Variants in DIAPH3 observed in about 807,000 individuals in gnomAD.
DIAPH3 encodes the protein diaphanous related formin 3.
A neutral mutation model predicts 144.3 loss-of-function variants in DIAPH3; 117 were observed. The ratio of observed to expected loss-of-function variants is 0.81; its 90% CI spans 0.70 to 0.95. The LOEUF is 0.95. Ranked by LOEUF, DIAPH3 falls within the 40% of genes least tolerant of loss-of-function variation. The pLI is 0.00. For missense variants in DIAPH3, 1,421 were observed against 1,412.7 expected (o/e 1.01, Z -0.09); for synonymous variants, 519 against 488.9 (o/e 1.06, Z -0.81).
At chr13:59,781,147 G>T (rs1341391973) in intron 25 of DIAPH3, among the ~76,000 whole-genome samples, 2 of 152,124 alleles carry the variant, frequency 1.3e-5, no homozygotes, top group Non-Finnish European at 2.9e-5. Flanking sequence ...GATCCTAAAA[G>T]GTTCTAGAAT....
chr13:59,875,523 T>G (rs1445433976), intron 21 of DIAPH3, among the ~76,000 whole-genome samples: 1 of 150,074 alleles, frequency 6.7e-6, no homozygotes, highest in Admixed American at 6.8e-5. Flanking sequence ...AAAGAGAGAT[T>G]GTTCTAAAAA....
chr13:59,752,073 G>A (rs375155720), intron 27 of DIAPH3, among the ~76,000 whole-genome samples: 2 of 152,190 alleles, frequency 1.3e-5, no homozygotes, highest in East Asian at 3.8e-4. Flanking sequence ...CCAGAGTACA[G>A]TCTCTTTCCC....
intron 1 of DIAPH3, among the ~76,000 whole-genome samples, chr13:60,141,217 C>T (rs2059419390): frequency 6.6e-6 from 1 of 151,854 alleles, no homozygotes; most frequent in African/African-American, 2.4e-5. Context: ...GGGTAAATAC[C>T]ACTTACTAGA....
At position 59,846,042 on chromosome 13, in the gene DIAPH3, C is replaced by T. The variant is rs1001924632; in HGVS notation, c.2738-6594G>A. Reference sequence around the variant, plus strand: ...ATTAAAATCAAAGACACAGGCTTTCCTCCAAGTGTCTTATTATTATGATAA... The same window carrying T: ...ATTAAAATCAAAGACACAGGCTTTCTTCCAAGTGTCTTATTATTATGATAA... On this transcript the variant is annotated intron_variant, in intron 22 of 27. Coordinates refer to ENST00000400324, the MANE Select transcript of DIAPH3 (RefSeq NM_001042517.2). Among the ~76,000 whole-genome samples the T allele has an allele frequency of 2.6e-5, 4 of 152,190 alleles. No individual in the cohort carries two copies. The East Asian group carries it at 5.8e-4, about 22-fold the overall frequency.
chr13:59,869,516 A>G (rs1332485103), intron 21 of DIAPH3, among the ~76,000 whole-genome samples: 9 of 152,220 alleles, frequency 5.9e-5, no homozygotes, highest in African/African-American at 1.7e-4. Context: ...AGGAGCAACT[A>G]CATTAGGTGG....
chr13:59,865,739 T>C (rs2043878203), intron 21 of DIAPH3, among the ~76,000 whole-genome samples: 1 of 152,006 alleles, frequency 6.6e-6, no homozygotes, highest in Non-Finnish European at 1.5e-5. Context: ...TCCCTTGCAG[T>C]TACAGTGCAA....
chr13:59,907,629 C>A (rs1447358520), intron 20 of DIAPH3, among the ~76,000 whole-genome samples: 3 of 152,184 alleles, frequency 2.0e-5, no homozygotes, highest in Non-Finnish European at 4.4e-5. Context: ...TACTTTACCC[C>A]ACTCATGGAT....
intron 22 of DIAPH3, chr13:59,861,109 C>T: frequency 1.2e-6 from 1 of 828,362 alleles, no homozygotes; most frequent in Non-Finnish European, 1.8e-6. Flanking sequence ...ATCACCCTGG[C>T]CAAAAAGTGC....
At chr13:60,042,137 A>G (rs1474858894) in intron 5 of DIAPH3, among the ~76,000 whole-genome samples, 1 of 152,132 alleles carries the variant, frequency 6.6e-6, no homozygotes, top group Non-Finnish European at 1.5e-5. Context: ...ACTTATGGAA[A>G]CACCTATGGT....
chr13:60,005,402 T>A (rs2052794195), intron 9 of DIAPH3, among the ~76,000 whole-genome samples: 1 of 152,160 alleles, frequency 6.6e-6, no homozygotes, highest in African/African-American at 2.4e-5. Context: ...TTCTTTTGGG[T>A]GGCAATGAAA....
intron 27 of DIAPH3, among the ~76,000 whole-genome samples, chr13:59,714,228 C>T (rs1036937973): frequency 2.2e-4 from 33 of 150,790 alleles, no homozygotes; most frequent in East Asian, 3.9e-4. Flanking sequence ...GGCGTAGTGG[C>T]GGGCGCCTGT....
chr13:59,689,435 CAG>C (rs2033392017), intron 27 of DIAPH3, among the ~76,000 whole-genome samples: 1 of 151,970 alleles, frequency 6.6e-6, no homozygotes, highest in Non-Finnish European at 1.5e-5. Context: ...AAAAAACAAA[CAG>C]AGTCGTCATC....
At chr13:59,717,139 GA>G (rs1335211527) in intron 27 of DIAPH3, among the ~76,000 whole-genome samples, 2 of 152,088 alleles carry the variant, frequency 1.3e-5, no homozygotes, top group East Asian at 3.9e-4. Context: ...GTTGACATTA[GA>G]AAAAAATTAT....
intron 25 of DIAPH3, among the ~76,000 whole-genome samples, chr13:59,782,963 G>A (rs1593840538): frequency 6.6e-6 from 1 of 152,118 alleles, no homozygotes; most frequent in African/African-American, 2.4e-5. Flanking sequence ...AGAGAGAGCC[G>A]GGGCCAACTC....
intron 8 of DIAPH3, 124 bp from the exon 9 acceptor site, chr13:60,008,773 G>A: frequency 1.4e-6 from 1 of 719,996 alleles, no homozygotes; most frequent in Non-Finnish European, 2.5e-6. Context: ...GTAGATTACT[G>A]AGTACATACC....
chr13:59,917,593 G>C (rs1481869521), intron 18 of DIAPH3, among the ~76,000 whole-genome samples: 3 of 151,960 alleles, frequency 2.0e-5, no homozygotes, highest in Admixed American at 2.0e-4. Flanking sequence ...AATGGTATAA[G>C]AGTAAATAGA....
chr13:59,870,819 T>C (rs552878052), intron 21 of DIAPH3, among the ~76,000 whole-genome samples: 3 of 152,074 alleles, frequency 2.0e-5, no homozygotes, highest in South Asian at 2.1e-4. Flanking sequence ...TACAAGCATG[T>C]GCCACCACGC....
At chr13:60,004,092 A>T (rs946515792) in intron 9 of DIAPH3, among the ~76,000 whole-genome samples, 13 of 152,338 alleles carry the variant, frequency 8.5e-5, no homozygotes, top group South Asian at 8.3e-4. Context: ...CTTTGCAGTA[A>T]AAGAATAATG....
At chr13:59,736,494 G>GGTA (rs1422827652) in intron 27 of DIAPH3, among the ~76,000 whole-genome samples, 4 of 152,044 alleles carry the variant, frequency 2.6e-5, no homozygotes, top group African/African-American at 9.7e-5. Context: ...ACTGGCGTGA[G>GGTA]GTAGTACCTC....
Sources: gnomAD v4.1 joint callset for allele counts (sites outside exome capture counted in the v4.1 genomes callset) on GRCh38, gnomAD v4.1.1 for gene constraint, MANE v1.5 for transcripts, NCBI Gene and HGNC (gene_info 2026-07-23, HGNC 2026-07-21) for gene names.